Variants in FMNL2 observed in about 807,000 individuals in gnomAD.
FMNL2 encodes the protein formin like 2, also known as formin-like protein 2.
A neutral mutation model predicts 130.2 loss-of-function variants in FMNL2; 51 were observed. The observed-to-expected ratio is 0.39, with a 90% CI of 0.31 to 0.49. FMNL2 has a LOEUF of 0.49. Among genes scored for constraint, FMNL2 ranks in the 20% least tolerant of loss-of-function variants. The pLI, the probability that FMNL2 is intolerant of heterozygous loss-of-function variation, is 0.85. For missense variants in FMNL2, 977 were observed against 1,316.2 expected, an observed-to-expected ratio of 0.74 and a Z score of 3.99; for synonymous variants, 465 against 467.1, an observed-to-expected ratio of 1.00 and a Z score of 0.06.
At chr2:152,434,623 T>C (rs575085402) in intron 1 of FMNL2, among the ~76,000 whole-genome samples, 2 of 152,140 alleles carry the variant, frequency 1.3e-5, no homozygotes, top group African/African-American at 4.8e-5. Context: ...CTTCCCCCCA[T>C]GCAGAAGGGC....
chr2:152,585,772 C>T (rs541300093), intron 9 of FMNL2, among the ~76,000 whole-genome samples: 3 of 152,294 alleles, frequency 2.0e-5, no homozygotes, highest in Non-Finnish European at 4.4e-5. Flanking sequence ...CTAAACACTA[C>T]GCTTCATCTC....
chr2:152,623,723 C>G (rs891407578), intron 15 of FMNL2, among the ~76,000 whole-genome samples: 3 of 151,948 alleles, frequency 2.0e-5, no homozygotes, highest in Admixed American at 6.6e-5. Context: ...GGTAGGCTAC[C>G]CAGAACAGAC....
chr2:152,402,819 A>C (rs186420357), intron 1 of FMNL2, among the ~76,000 whole-genome samples: 1 of 152,206 alleles, frequency 6.6e-6, no homozygotes, highest in African/African-American at 2.4e-5. Context: ...TTAATGAGCC[A>C]ATACAGTTAC....
At chr2:152,441,894 A>G (rs1371937758) in intron 1 of FMNL2, among the ~76,000 whole-genome samples, 1 of 152,096 alleles carries the variant, frequency 6.6e-6, no homozygotes, top group Non-Finnish European at 1.5e-5. Context: ...GAGAACTGCA[A>G]TAGGAAATGA....
chr2:152,626,397 G>T (rs1681788411), intron 16 of FMNL2, 128 bp from the exon 17 acceptor site: 2 of 722,560 alleles, frequency 2.8e-6, no homozygotes, highest in African/African-American at 1.8e-5. Context: ...AAAAATAGAG[G>T]AAGCCATGGC....
intron 7 of FMNL2, among the ~76,000 whole-genome samples, chr2:152,577,371 G>A (rs564243953): frequency 6.6e-6 from 1 of 152,264 alleles, no homozygotes; most frequent in South Asian, 2.1e-4. Flanking sequence ...TTTTAACTTT[G>A]AGATTCCCCT....
Position 152,640,883 on chromosome 2 carries a change from A to T in FMNL2, c.3138A>T (p.Gly1046=), listed in dbSNP as rs1335580097. The part of the protein sequence containing the change: ...QVKDNRHVYE[G]KDGAIEDIIT... ...AAGATAACAGACATGTATATGAGGG[A>T]AAAGATGGTGCCATTGAAGATATTA... The change falls in exon 25 of 26, where the codon GGA becomes GGT. Residue 1046 remains glycine (G), a synonymous_variant. Transcript: ENST00000288670. 1 of 1,613,748 alleles carries T rather than the reference A, an allele frequency of 6.2e-7. No individual in the cohort carries two copies. Among genetic ancestry groups the T allele is most frequent in the East Asian group, 2.2e-5 (1 of 44,876 alleles).
chr2:152,381,166 AT>A (rs1684439454), intron 1 of FMNL2, among the ~76,000 whole-genome samples: 1 of 152,188 alleles, frequency 6.6e-6, no homozygotes, highest in African/African-American at 2.4e-5. Context: ...CACCTGACTA[AT>A]TTTTTGTATT....
chr2:152,597,248 AC>A (rs1697818856), intron 9 of FMNL2, among the ~76,000 whole-genome samples: 1 of 152,204 alleles, frequency 6.6e-6, no homozygotes, highest in African/African-American at 2.4e-5. Flanking sequence ...TAAAAGGTGC[AC>A]TTTGTTCATT....
intron 4 of FMNL2, among the ~76,000 whole-genome samples, chr2:152,551,443 G>C (rs753815416): frequency 6.6e-6 from 1 of 152,214 alleles, no homozygotes; most frequent in Non-Finnish European, 1.5e-5. Context: ...TCATGGAGAT[G>C]CATTGTCTGA....
At chr2:152,392,386 GT>G (rs1233008707) in intron 1 of FMNL2, among the ~76,000 whole-genome samples, 1 of 152,140 alleles carries the variant, frequency 6.6e-6, no homozygotes, top group African/African-American at 2.4e-5. Flanking sequence ...GACTGAGATG[GT>G]TATTCCTTTT....
intron 1 of FMNL2, among the ~76,000 whole-genome samples, chr2:152,467,497 G>T (rs1689617919): frequency 6.6e-6 from 1 of 152,184 alleles, no homozygotes; most frequent in African/African-American, 2.4e-5. Context: ...ATCGAAGGCT[G>T]ACAGAGCTTT....
intron 1 of FMNL2, among the ~76,000 whole-genome samples, chr2:152,443,785 G>A (rs1311096105): frequency 2.6e-5 from 4 of 152,108 alleles, no homozygotes; most frequent in African/African-American, 4.8e-5. Context: ...AGAGGATGGA[G>A]TGACCCAAGA....
chr2:152,400,286 A>G (rs1190164097), intron 1 of FMNL2, among the ~76,000 whole-genome samples: 1 of 152,056 alleles, frequency 6.6e-6, no homozygotes, highest in African/African-American at 2.4e-5. Context: ...TACAAAAAGC[A>G]GCTGGATGTG....
At chr2:152,485,316 C>A (rs1579782602) in intron 1 of FMNL2, among the ~76,000 whole-genome samples, 1 of 152,162 alleles carries the variant, frequency 6.6e-6, no homozygotes, top group African/African-American at 2.4e-5. Context: ...CATGATGAAA[C>A]CCCGTCTCTA....
intron 1 of FMNL2, among the ~76,000 whole-genome samples, chr2:152,379,514 A>G (rs1260948225): frequency 2.6e-5 from 4 of 152,218 alleles, no homozygotes; most frequent in South Asian, 2.1e-4. Flanking sequence ...TGTGGTTACT[A>G]TTCCATTATT....
chr2:152,455,591 C>T lies in FMNL2; in HGVS notation c.118-66352C>T, dbSNP rs1010532152. Among the ~76,000 whole-genome samples the T allele has an allele frequency of 2.6e-5, 4 of 152,102 alleles. 1 individual carries two copies. The highest frequency in any genetic ancestry group is 2.4e-5 in the African/African-American group (1 of 41,426). On this transcript the variant is annotated intron_variant, in intron 1 of 25. Transcript: ENST00000288670. Reference sequence around the variant, plus strand: ...GGCTGGGTGCTGTACTAAGACTTAACAAAATAAAGATGAATACAACACAGT... The same window carrying T: ...GGCTGGGTGCTGTACTAAGACTTAATAAAATAAAGATGAATACAACACAGT...
chr2:152,549,916 C>T (rs763538041), intron 4 of FMNL2, among the ~76,000 whole-genome samples: 41 of 152,136 alleles, frequency 2.7e-4, no homozygotes, highest in Admixed American at 2.6e-3. Context: ...AGAGGACTAT[C>T]GACTTTTAGA....
chr2:152,365,629 T>C (rs774636554), intron 1 of FMNL2, among the ~76,000 whole-genome samples: 8 of 151,948 alleles, frequency 5.3e-5, no homozygotes, highest in Admixed American at 6.5e-5. Context: ...AAAAATTAGC[T>C]GGGTGTGGTG....
Sources: gnomAD v4.1 joint callset for allele counts (sites outside exome capture counted in the v4.1 genomes callset) on GRCh38, gnomAD v4.1.1 for gene constraint, MANE v1.5 for transcripts, NCBI Gene and HGNC (gene_info 2026-07-23, HGNC 2026-07-21) for gene names.